The following LRRTM4 variants were observed in gnomAD, a reference collection of about 807,000 sequenced individuals.
The protein encoded by LRRTM4 is leucine rich repeat transmembrane neuronal 4, also known as leucine-rich repeat transmembrane neuronal protein 4.
In LRRTM4, 25 loss-of-function variants were observed where a neutral mutation model predicts 47.6. The ratio of observed to expected loss-of-function variants is 0.53; its 90% CI spans 0.38 to 0.73. The LOEUF (loss-of-function observed/expected upper bound fraction) is 0.73. LRRTM4 is among the 30% of genes least tolerant of loss of function. The pLI is 0.00. For synonymous variants in LRRTM4, 311 were observed against 269.5 expected (o/e 1.15, Z -1.51); for missense variants, 638 against 713.4 (o/e 0.89, Z 1.20).
At chr2:76,883,294 G>A (rs1030876198) in intron 3 of LRRTM4, among the ~76,000 whole-genome samples, 2 of 152,270 alleles carry the variant, frequency 1.3e-5, no homozygotes, top group African/African-American at 4.8e-5. Context: ...ATGAAAGGCT[G>A]CATCTTATTT....
intron 3 of LRRTM4, among the ~76,000 whole-genome samples, chr2:77,127,182 C>T (rs911846893): frequency 6.6e-6 from 1 of 151,908 alleles, no homozygotes; most frequent in Admixed American, 6.6e-5. Context: ...GTCTGTTTTT[C>T]TCAGATGTTT....
intron 3 of LRRTM4, among the ~76,000 whole-genome samples, chr2:77,299,732 A>G (rs1677077132): frequency 6.6e-6 from 1 of 152,190 alleles, no homozygotes; most frequent in African/African-American, 2.4e-5. Flanking sequence ...GAGTTTATCC[A>G]TCATAAGTTA....
intron 3 of LRRTM4, among the ~76,000 whole-genome samples, chr2:76,889,402 G>C (rs561806642): frequency 3.3e-5 from 5 of 152,000 alleles, no homozygotes; most frequent in African/African-American, 9.6e-5. Context: ...AATGAGAAGA[G>C]TTCTTTCTTG....
At chr2:77,395,746 AT>A (rs1361580890) in intron 3 of LRRTM4, among the ~76,000 whole-genome samples, 2 of 151,936 alleles carry the variant, frequency 1.3e-5, no homozygotes, top group African/African-American at 2.4e-5. Flanking sequence ...GGCCAGAGTC[AT>A]TTTTGAAATA....
At chr2:76,909,023 C>G (rs1409546695) in intron 3 of LRRTM4, among the ~76,000 whole-genome samples, 2 of 152,100 alleles carry the variant, frequency 1.3e-5, no homozygotes, top group African/African-American at 2.4e-5. Flanking sequence ...CAAAAAAGAG[C>G]CCTCATCGCC....
At chr2:77,220,895 C>A (rs1450173913) in intron 3 of LRRTM4, among the ~76,000 whole-genome samples, 1 of 152,136 alleles carries the variant, frequency 6.6e-6, no homozygotes, top group Non-Finnish European at 1.5e-5. Context: ...CTCCAAAACA[C>A]CTAATTGTCA....
intron 3 of LRRTM4, among the ~76,000 whole-genome samples, chr2:77,418,834 C>A (rs1044469288): frequency 6.6e-6 from 1 of 152,132 alleles, no homozygotes; most frequent in African/African-American, 2.4e-5. Context: ...TTAAACCAAG[C>A]CACATCTGTG....
intron 3 of LRRTM4, among the ~76,000 whole-genome samples, chr2:77,511,127 A>G (rs759176812): frequency 3.4e-4 from 52 of 152,114 alleles, no homozygotes; most frequent in Non-Finnish European, 7.2e-4. Flanking sequence ...TTGGAAAACA[A>G]TCATACCAAA....
chr2:77,403,624 T>C (rs1674051989), intron 3 of LRRTM4, among the ~76,000 whole-genome samples: 3 of 151,922 alleles, frequency 2.0e-5, no homozygotes, highest in East Asian at 1.9e-4. Context: ...TTCTAACTTC[T>C]CAGCATTGGG....
chr2:77,322,282 AT>A (rs1677818728), intron 3 of LRRTM4, among the ~76,000 whole-genome samples: 2 of 152,094 alleles, frequency 1.3e-5, no homozygotes, highest in Admixed American at 6.5e-5. Context: ...CTTCCTCTAA[AT>A]ATCACTGTGT....
chr2:77,068,354 A>AGTGGTTTT (rs1680031337), intron 3 of LRRTM4, among the ~76,000 whole-genome samples: 1 of 152,270 alleles, frequency 6.6e-6, no homozygotes, highest in South Asian at 2.1e-4. Flanking sequence ...CATAAAACTA[A>AGTGGTTTT]GTGGTTTTTA....
At chr2:77,470,266 A>T (rs968275037) in intron 3 of LRRTM4, among the ~76,000 whole-genome samples, 2 of 152,154 alleles carry the variant, frequency 1.3e-5, no homozygotes, top group African/African-American at 4.8e-5. Context: ...AGAGCTAAGG[A>T]TTAAGAGCCA....
intron 3 of LRRTM4, among the ~76,000 whole-genome samples, chr2:76,932,886 G>T (rs2103839080): frequency 6.6e-6 from 1 of 152,148 alleles, no homozygotes; most frequent in South Asian, 2.1e-4. Flanking sequence ...GGGTACATAT[G>T]CAGAACATGC....
intron 3 of LRRTM4, among the ~76,000 whole-genome samples, chr2:76,935,369 T>G (rs1241845731): frequency 2.0e-5 from 3 of 152,162 alleles, no homozygotes; most frequent in Admixed American, 6.5e-5. Flanking sequence ...TTAAAGTAGT[T>G]TTTTTCAATT....
chr2:77,464,609 T>G (rs1334443938), intron 3 of LRRTM4, among the ~76,000 whole-genome samples: 3 of 152,084 alleles, frequency 2.0e-5, no homozygotes, highest in African/African-American at 7.2e-5. Flanking sequence ...ACAGATTCAC[T>G]TGGATGGAAC....
chr2:77,042,024 C>A (rs1235167412), intron 3 of LRRTM4, among the ~76,000 whole-genome samples: 2 of 151,018 alleles, frequency 1.3e-5, no homozygotes, highest in African/African-American at 2.4e-5. Context: ...ACATAACAAC[C>A]GAATGCAATG....
At chr2:76,824,759 G>A (rs1490200578) in intron 3 of LRRTM4, among the ~76,000 whole-genome samples, 1 of 151,582 alleles carries the variant, frequency 6.6e-6, no homozygotes, top group Non-Finnish European at 1.5e-5. Flanking sequence ...AAAGATGACT[G>A]ATCATAGGAA....
At chr2:77,097,338 T>C (rs1670837463) in intron 3 of LRRTM4, among the ~76,000 whole-genome samples, 2 of 151,996 alleles carry the variant, frequency 1.3e-5, no homozygotes, top group Non-Finnish European at 2.9e-5. Flanking sequence ...ATTGTAAGAT[T>C]GATAACATTT....
Position 77,519,277 on chromosome 2 carries a change from G to A in LRRTM4, c.592C>T (p.Arg198Ter). The A allele has an allele frequency of 6.2e-7, 1 of 1,613,350 alleles. No homozygotes were observed. The highest frequency in any genetic ancestry group is 8.5e-7 in the Non-Finnish European group (1 of 1,179,562). Reference sequence around the variant, plus strand: ...TTCAAGAGGCCAGCAAATGCATTTCGGGACAAGCTTCGAAGACGATTGTAA... The same window carrying A: ...TTCAAGAGGCCAGCAAATGCATTTCAGGACAAGCTTCGAAGACGATTGTAA... Reference protein sequence around the residue: ...LGYNRLRSLSRNAFAGLLKLK... With the variant: ...LGYNRLRSLS The change falls in exon 3 of 4, where the codon CGA becomes TGA. Residue 198 changes from arginine to a stop codon, truncating the protein, a stop_gained. Transcript: ENST00000409884. LOFTEE classifies it high-confidence loss of function. This position sits in a 1 kb window ranked among gnomAD's most constrained non-coding sequence, Gnocchi z 4.6.
Sources: gnomAD v4.1 joint callset for allele counts (sites outside exome capture counted in the v4.1 genomes callset) on GRCh38, gnomAD v4.1.1 for gene constraint, Gnocchi (gnomAD v3.1) non-coding constraint, MANE v1.5 for transcripts, NCBI Gene and HGNC (gene_info 2026-07-23, HGNC 2026-07-21) for gene names.